The following PCCB variants were observed in gnomAD, a reference collection of about 807,000 sequenced individuals.
The protein encoded by PCCB is propionyl-CoA carboxylase subunit beta.
PCCB carries 43 observed loss-of-function variants against 60.7 expected under a neutral mutation model. The ratio of observed to expected loss-of-function variants is 0.71; its 90% CI spans 0.55 to 0.91. The LOEUF (loss-of-function observed/expected upper bound fraction) is 0.91, where lower values mean the gene tolerates loss of function less well. Ranked by LOEUF, PCCB falls within the 40% of genes least tolerant of loss-of-function variation. The pLI is 0.00. For missense variants in PCCB, 766 were observed against 702.8 expected (o/e 1.09, Z -1.02); for synonymous variants, 276 against 255.9 (o/e 1.08, Z -0.75).
At chr3:136,320,003 A>C (rs1479613495) in intron 10 of PCCB, among the ~76,000 whole-genome samples, 1 of 152,198 alleles carries the variant, frequency 6.6e-6, no homozygotes, top group Non-Finnish European at 1.5e-5. Flanking sequence ...GGAAATCAAC[A>C]GGCTGTGGGT....
intron 6 of PCCB, among the ~76,000 whole-genome samples, chr3:136,288,083 GTCAATTTGCATTGAC>G (rs750615442): frequency 1.1e-4 from 17 of 152,098 alleles, no homozygotes; most frequent in Non-Finnish European, 2.2e-4. Flanking sequence ...TTATTGTGTT[GTCAATTTGCATTGAC>G]TCAATTTGCA....
intron 6 of PCCB, among the ~76,000 whole-genome samples, chr3:136,287,826 T>C (rs1200046348): frequency 6.6e-6 from 1 of 152,280 alleles, no homozygotes; most frequent in Non-Finnish European, 1.5e-5. Flanking sequence ...ATGATGCTGA[T>C]GTAAACATTT....
chr3:136,280,159 T>A (rs997841421), intron 5 of PCCB, among the ~76,000 whole-genome samples: 2 of 152,186 alleles, frequency 1.3e-5, no homozygotes, highest in African/African-American at 4.8e-5. Flanking sequence ...CATGACCTCA[T>A]GTTACTGTCT....
At chr3:136,262,482 G>A (rs993253497) in intron 5 of PCCB, among the ~76,000 whole-genome samples, 5 of 152,154 alleles carry the variant, frequency 3.3e-5, no homozygotes, top group Non-Finnish European at 7.3e-5. Context: ...CCAAGCCACA[G>A]TGCAAAGAAG....
rs905943100 is a variant in PCCB at position 136,282,261 on chromosome 3, C to T, written c.544-1576C>T. 2.6e-5 allele frequency among the ~76,000 whole-genome samples: 4 copies of T among 152,190 alleles called. No homozygotes were observed. In the South Asian group the frequency reaches 8.3e-4, roughly 31 times the overall value. On this transcript the variant is annotated intron_variant, in intron 5 of 14. Coordinates refer to ENST00000251654, the MANE Select transcript of PCCB (RefSeq NM_000532.5). ...TACTGAAATTTACTTGCTGTTTTAT[C>T]AAATTCTCCTCTGGGCCCTGAAGTG...
At chr3:136,327,810 A>G (rs772714365) in intron 13 of PCCB, 78 bp downstream of exon 13, 85 of 1,202,046 alleles carry the variant, frequency 7.1e-5, no homozygotes, top group Non-Finnish European at 9.7e-5. Context: ...TAGCTGGGAA[A>G]TGTTGGAGAG....
rs1942542122 is a variant in PCCB at position 136,283,822 on chromosome 3, T to C, written c.544-15T>C. 6.4e-7 allele frequency: 1 copy of C among 1,556,276 alleles called. No homozygotes were observed. The highest frequency in any genetic ancestry group is 2.2e-5 in the East Asian group (1 of 44,568). On this transcript the variant is annotated splice_polypyrimidine_tract_variant and intron_variant, in intron 5 of 14. Coordinates refer to ENST00000251654, the MANE Select transcript of PCCB (RefSeq NM_000532.5). Reference sequence around the variant, plus strand: ...ATCTCTGTAACCAGATGCTTTTGCTTTTCTGTTTTGGCAGAGGAATGTTAC... The same window carrying C: ...ATCTCTGTAACCAGATGCTTTTGCTCTTCTGTTTTGGCAGAGGAATGTTAC...
At chr3:136,287,349 T>C (rs536715412) in intron 6 of PCCB, among the ~76,000 whole-genome samples, 35 of 152,272 alleles carry the variant, frequency 2.3e-4, no homozygotes, top group South Asian at 4.1e-4. Context: ...TTATCTATGT[T>C]GTTCTTTGAA....
At chr3:136,264,440 G>GTGTGTGTATATATATATA in intron 5 of PCCB, among the ~76,000 whole-genome samples, 7 of 123,852 alleles carry the variant, frequency 5.7e-5, no homozygotes, top group South Asian at 2.6e-4. Context: ...ATGTGTGTGT[G>GTGTGTGTATATATATATA]TATATATGTA....
intron 9 of PCCB, among the ~76,000 whole-genome samples, chr3:136,315,003 A>G (rs536473328): frequency 1.3e-5 from 2 of 152,352 alleles, no homozygotes; most frequent in South Asian, 2.1e-4. Flanking sequence ...ATTAAACATG[A>G]AGAAATACCA....
Position 136,259,233 on chromosome 3 carries a change from G to A in PCCB, c.373-1246G>A, listed in dbSNP as rs996480567. 15 of 1,076,402 alleles carry A rather than the reference G, an allele frequency of 1.4e-5. No homozygotes were observed. The highest frequency in any genetic ancestry group is 3.0e-5 in the East Asian group (1 of 32,872). The allele number at this position is 1,076,402 out of a possible 1,614,324, so 66.7% of individuals were successfully genotyped here. On this transcript the variant is annotated intron_variant, in intron 3 of 14. Transcript: ENST00000251654. ...TGTCATCTCAGCACTTTGGGAGGCC[G>A]AGGTGGGTAGATCACTTGAGGCCAG...
chr3:136,322,055 A>G (rs1935128415), intron 10 of PCCB, among the ~76,000 whole-genome samples: 1 of 152,248 alleles, frequency 6.6e-6, no homozygotes, highest in Non-Finnish European at 1.5e-5. Context: ...TCTTAGCAGG[A>G]AAACTTCTAG....
At position 136,301,107 on chromosome 3, in the gene PCCB, A is replaced by G. The variant is rs1328099356; in HGVS notation, c.962A>G (p.His321Arg). 6.2e-7 allele frequency: 1 copy of G among 1,611,318 alleles called. No individual in the cohort carries two copies. Among genetic ancestry groups the G allele is most frequent in the East Asian group, 2.2e-5 (1 of 44,866 alleles). Reference protein sequence around the residue: ...TKAYNMVDIIHSVVDEREFFE... With the variant: ...TKAYNMVDIIRSVVDEREFFE... Reference sequence around the variant, plus strand: ...GCCTACAACATGGTGGACATCATACACTCTGTAAGTGCCACATCTGTTTGT... The same window carrying G: ...GCCTACAACATGGTGGACATCATACGCTCTGTAAGTGCCACATCTGTTTGT... Residue 321 changes from histidine (H) to arginine (R), a missense_variant, in exon 9 of 15, where the codon CAC (histidine) becomes CGC (arginine). Coordinates refer to ENST00000251654, the MANE Select transcript of PCCB (RefSeq NM_000532.5).
rs376645261 is a variant in PCCB, at chr3:136,293,761, C to T, written c.660C>T (p.Thr220=). 2 of 1,604,588 alleles carry T rather than the reference C, an allele frequency of 1.2e-6. No homozygotes were observed. Among genetic ancestry groups the T allele is most frequent in the South Asian group, 1.1e-5 (1 of 90,910 alleles). The change falls in exon 7 of 15, where the codon ACC becomes ACT. Residue 220 remains threonine, a synonymous_variant. Coordinates refer to ENST00000251654, the MANE Select transcript of PCCB (RefSeq NM_000532.5). ...LTDFTFMVKD[T]SYLFITGPDV... ...CTGGAAATCTTTTATTTCAGGACACCTCCTACCTGTTCATCACTGGCCCTG... is the reference window on the plus strand; with the variant it reads ...CTGGAAATCTTTTATTTCAGGACACTTCCTACCTGTTCATCACTGGCCCTG...
At position 136,286,137 on chromosome 3, in the gene PCCB, T is replaced by C. The variant is rs146375750; in HGVS notation, c.654+2190T>C. 4.0e-3 allele frequency among the ~76,000 whole-genome samples: 612 copies of C among 152,320 alleles called. 3 individuals carry two copies. The highest frequency in any genetic ancestry group is 6.6e-3 in the Non-Finnish European group (446 of 68,026). Reference sequence around the variant, plus strand: ...AGAAAGACCAAGGGACATTACAGAATTGATACATAGATCTATATCTATTTG... The same window carrying C: ...AGAAAGACCAAGGGACATTACAGAACTGATACATAGATCTATATCTATTTG... On this transcript the variant is annotated intron_variant, in intron 6 of 14. Coordinates refer to ENST00000251654, the MANE Select transcript of PCCB (RefSeq NM_000532.5).
intron 13 of PCCB, among the ~76,000 whole-genome samples, chr3:136,328,487 A>AT (rs1448178370): frequency 6.6e-6 from 1 of 152,212 alleles, no homozygotes; most frequent in Non-Finnish European, 1.5e-5. Flanking sequence ...AGATGGTAGA[A>AT]TGGGCTCTGG....
At chr3:136,304,386 A>AT (rs141133536) in intron 9 of PCCB, among the ~76,000 whole-genome samples, 12,674 of 108,508 alleles carry the variant, frequency 0.12, 2,670 homozygotes, top group African/African-American at 0.32. Context: ...CCAATTATTT[A>AT]TTTATTTTTT....
chr3:136,273,990 C>T (rs1012900181), intron 5 of PCCB, among the ~76,000 whole-genome samples: 4 of 150,988 alleles, frequency 2.6e-5, no homozygotes, highest in African/African-American at 9.7e-5. Flanking sequence ...TATCTCTTTC[C>T]CCCCCTTTAC....
intron 3 of PCCB, chr3:136,260,054 CTT>C (rs912493653): frequency 3.8e-6 from 1 of 259,836 alleles, no homozygotes; most frequent in Non-Finnish European, 7.3e-6. Context: ...GCCCGGGCAA[CTT>C]TTTTTGTTTT....
Sources: gnomAD v4.1 joint callset for allele counts (sites outside exome capture counted in the v4.1 genomes callset) on GRCh38, gnomAD v4.1.1 for gene constraint, MANE v1.5 for transcripts, NCBI Gene and HGNC (gene_info 2026-07-23, HGNC 2026-07-21) for gene names.